RGS6: variants seen among roughly 807,000 people sequenced by gnomAD.
RGS6 encodes the protein regulator of G protein signaling 6.
RGS6 carries 30 observed loss-of-function variants against 78.5 expected under a neutral mutation model. That is an observed-to-expected ratio of 0.38 (90% CI 0.29 to 0.52). The LOEUF is 0.52. Ranked by LOEUF, RGS6 falls within the 20% of genes least tolerant of loss-of-function variation. RGS6 has a pLI of 0.85. For missense variants in RGS6, 495 were observed against 609.7 expected (o/e 0.81, Z 1.98); for synonymous variants, 206 against 206.0 (o/e 1.00, Z 0.00).
rs61097187 is a variant in RGS6 at position 72,508,562 on chromosome 14, C to CTTTTTTTTTT, written c.966-1570_966-1561dup. On this transcript the variant is annotated intron_variant, in intron 13 of 17. Transcript: ENST00000553525. ...CCAAGCTTTCCACGCACACAAGCTC[C>CTTTTTTTTTT]TTTTTTTTTTTTTTTTTTTTTTTTT... Among the ~76,000 whole-genome samples, 37 of 56,468 alleles carry CTTTTTTTTTT rather than the reference C, an allele frequency of 6.6e-4. 2 individuals carry two copies. The highest frequency in any genetic ancestry group is 8.0e-4 in the East Asian group (1 of 1,244). 37.0% of individuals were successfully genotyped at this position (56,468 alleles called of 152,430 possible).
At chr14:71,956,321 A>G (rs2092780795) in intron 1 of RGS6, among the ~76,000 whole-genome samples, 1 of 139,796 alleles carries the variant, frequency 7.2e-6, no homozygotes, top group Non-Finnish European at 1.5e-5. Context: ...CTAGAGGGAC[A>G]GAACTAATAG....
chr14:72,065,935 C>T (rs2094127315), intron 2 of RGS6, among the ~76,000 whole-genome samples: 1 of 151,028 alleles, frequency 6.6e-6, no homozygotes, highest in Non-Finnish European at 1.5e-5. Flanking sequence ...CCCCCCAGCC[C>T]ACAACAGTCC....
intron 1 of RGS6, among the ~76,000 whole-genome samples, chr14:71,954,785 T>G (rs528929065): frequency 9.8e-5 from 15 of 152,328 alleles, no homozygotes; most frequent in Admixed American, 1.3e-4. Context: ...AAAAAATGTT[T>G]CCTTCTCTCT....
the RGS6 span, among the ~76,000 whole-genome samples, chr14:71,873,545 C>A: frequency 6.6e-6 from 1 of 152,110 alleles, no homozygotes; most frequent in Non-Finnish European, 1.5e-5. Context: ...GATATTAGCC[C>A]TTTGTCAGAT....
chr14:72,053,625 A>G (rs537336692), intron 2 of RGS6, among the ~76,000 whole-genome samples: 2 of 152,310 alleles, frequency 1.3e-5, no homozygotes, highest in Non-Finnish European at 2.9e-5. Flanking sequence ...GCTAAGGGCT[A>G]TTATGTTTCT....
chr14:72,485,158 C>T (rs1459292507), intron 12 of RGS6, among the ~76,000 whole-genome samples: 1 of 152,098 alleles, frequency 6.6e-6, no homozygotes, highest in African/African-American at 2.4e-5. Context: ...GATAAAGGGA[C>T]AAGAATGCTA....
chr14:72,206,504 A>C (rs2042744128), intron 2 of RGS6, among the ~76,000 whole-genome samples: 2 of 152,122 alleles, frequency 1.3e-5, no homozygotes, highest in Admixed American at 1.3e-4. Context: ...GCATGTTTTC[A>C]TGCTGCTAAT....
intron 2 of RGS6, among the ~76,000 whole-genome samples, chr14:72,148,478 T>C (rs983397151): frequency 2.6e-5 from 4 of 152,128 alleles, no homozygotes; most frequent in Non-Finnish European, 5.9e-5. Flanking sequence ...GGGAACACAT[T>C]TGTGGTTTGC....
At chr14:71,896,303 G>A in the RGS6 span, among the ~76,000 whole-genome samples, 2 of 152,154 alleles carry the variant, frequency 1.3e-5, no homozygotes, top group African/African-American at 4.8e-5. Context: ...CATTTTTATG[G>A]TTATTTCTTG....
intron 1 of RGS6, among the ~76,000 whole-genome samples, chr14:71,953,976 T>TTTTTG (rs1555399245): frequency 2.7e-5 from 4 of 146,242 alleles, no homozygotes; most frequent in Admixed American, 6.8e-5. Context: ...GGCGTTTTTT[T>TTTTTG]TTTTTTTTTT....
chr14:71,877,491 A>G, the RGS6 span, among the ~76,000 whole-genome samples: 5 of 152,178 alleles, frequency 3.3e-5, no homozygotes, highest in African/African-American at 1.2e-4. Context: ...TTGTGCATGC[A>G]TCATGTAGTT....
At chr14:72,019,054 C>T (rs939655982) in intron 2 of RGS6, among the ~76,000 whole-genome samples, 1 of 152,080 alleles carries the variant, frequency 6.6e-6, no homozygotes, top group Non-Finnish European at 1.5e-5. Context: ...AGCAACCCCC[C>T]AAATCAGCTC....
intron 17 of RGS6, among the ~76,000 whole-genome samples, chr14:72,546,112 G>T (rs2097397484): frequency 6.6e-6 from 1 of 152,210 alleles, no homozygotes. Context: ...CCCTGGGCCA[G>T]CTTGTTGCTG....
intron 3 of RGS6, among the ~76,000 whole-genome samples, chr14:72,401,194 T>A (rs957020718): frequency 6.6e-6 from 1 of 152,146 alleles, no homozygotes; most frequent in Non-Finnish European, 1.5e-5. Context: ...ATCCCTGATG[T>A]AAAATCAAGC....
chr14:71,996,170 G>C (rs71427145), intron 2 of RGS6, among the ~76,000 whole-genome samples: 22,968 of 123,462 alleles, frequency 0.19, 2,171 homozygotes, highest in Non-Finnish European at 0.24. Flanking sequence ...TTTTTTTTTT[G>C]TGATTTGGGA....
intron 2 of RGS6, among the ~76,000 whole-genome samples, chr14:72,001,864 T>C (rs148453011): frequency 2.6e-5 from 4 of 151,406 alleles, no homozygotes; most frequent in African/African-American, 4.9e-5. Flanking sequence ...TGCAGAACTT[T>C]AGTCTTTGAA....
At chr14:72,525,330 G>A (rs1234349933) in intron 15 of RGS6, among the ~76,000 whole-genome samples, 3 of 152,166 alleles carry the variant, frequency 2.0e-5, no homozygotes, top group South Asian at 2.1e-4. Flanking sequence ...TGTTCTAGGC[G>A]CTGTGAATAT....
chr14:72,108,668 G>A (rs917420744), intron 2 of RGS6, among the ~76,000 whole-genome samples: 1 of 151,636 alleles, frequency 6.6e-6, no homozygotes, highest in African/African-American at 2.4e-5. Flanking sequence ...AAGTTATTTG[G>A]TTTTATTATT....
At chr14:72,190,042 A>G (rs1240195088) in intron 2 of RGS6, among the ~76,000 whole-genome samples, 2 of 152,024 alleles carry the variant, frequency 1.3e-5, no homozygotes, top group Admixed American at 6.5e-5. Flanking sequence ...CAGACAACCT[A>G]TCCCCAAGGA....
Sources: gnomAD v4.1 joint callset for allele counts (sites outside exome capture counted in the v4.1 genomes callset) on GRCh38, gnomAD v4.1.1 for gene constraint, MANE v1.5 for transcripts, NCBI Gene and HGNC (gene_info 2026-07-23, HGNC 2026-07-21) for gene names.